Variants in CCDC178 observed in about 807,000 individuals in gnomAD.
CCDC178 encodes the protein coiled-coil domain-containing protein 178.
In CCDC178, 126 loss-of-function variants were observed where a neutral mutation model predicts 117.4. The ratio of observed to expected loss-of-function variants is 1.07; its 90% CI spans 0.93 to 1.24. The LOEUF is 1.24. Among genes scored for constraint, CCDC178 ranks in the 50% most tolerant of loss-of-function variants. The pLI, the probability that CCDC178 is intolerant of heterozygous loss-of-function variation, is 0.00. For missense variants in CCDC178, 1,030 were observed against 986.9 expected (o/e 1.04, Z -0.59); for synonymous variants, 283 against 313.4 (o/e 0.90, Z 1.02).
At chr18:33,223,921 T>C (rs1244965267) in intron 17 of CCDC178, among the ~76,000 whole-genome samples, 1 of 152,138 alleles carries the variant, frequency 6.6e-6, no homozygotes, top group Non-Finnish European at 1.5e-5. Context: ...GTTTCCATGC[T>C]TCATGACCTT....
chr18:33,387,945 T>A (rs1370464625), intron 5 of CCDC178, among the ~76,000 whole-genome samples: 2 of 151,624 alleles, frequency 1.3e-5, no homozygotes, highest in East Asian at 1.9e-4. Context: ...TGGGAGAAAA[T>A]TTTTGCAATG....
At chr18:33,131,594 A>G (rs2058069191) in intron 20 of CCDC178, among the ~76,000 whole-genome samples, 1 of 151,772 alleles carries the variant, frequency 6.6e-6, no homozygotes, top group South Asian at 2.1e-4. Flanking sequence ...TCTTTAATAT[A>G]CTTACCCACC....
intron 20 of CCDC178, among the ~76,000 whole-genome samples, chr18:33,199,919 G>A (rs573878985): frequency 4.6e-5 from 7 of 152,188 alleles, no homozygotes; most frequent in African/African-American, 1.7e-4. Flanking sequence ...TATAGTTTCT[G>A]GTTTTGGATA....
chr18:33,251,484 A>C (rs2059618029), intron 14 of CCDC178, among the ~76,000 whole-genome samples: 1 of 151,734 alleles, frequency 6.6e-6, no homozygotes. Flanking sequence ...CACAGAATTT[A>C]AGTTCTACTC....
At chr18:33,328,842 C>G (rs2062624743) in intron 10 of CCDC178, among the ~76,000 whole-genome samples, 1 of 152,088 alleles carries the variant, frequency 6.6e-6, no homozygotes, top group Non-Finnish European at 1.5e-5. Flanking sequence ...TGCAAAAGAT[C>G]ATTGAGCTTT....
In CCDC178 at chr18:32,970,387, T is replaced by C. The variant is rs114219212; in HGVS notation, c.2523+4160A>G. On this transcript the variant is annotated intron_variant, in intron 22 of 22. Transcript: ENST00000383096. Reference sequence around the variant, plus strand: ...AATATTGGTTATATACAATTTACTTTACAAAACCTTCATCAAATGATTTTT... The same window carrying C: ...AATATTGGTTATATACAATTTACTTCACAAAACCTTCATCAAATGATTTTT... Among the ~76,000 whole-genome samples the C allele has an allele frequency of 3.4e-3, 516 of 152,100 alleles. 3 individuals carry two copies. The highest frequency in any genetic ancestry group is 0.012 in the African/African-American group (489 of 41,520).
chr18:32,982,279 A>G (rs1019982654), intron 21 of CCDC178, among the ~76,000 whole-genome samples: 1 of 152,238 alleles, frequency 6.6e-6, no homozygotes, highest in African/African-American at 2.4e-5. Context: ...CTTATAATGA[A>G]TTTCTCCTTA....
chr18:33,333,358 T>A lies in CCDC178; in HGVS notation c.695A>T (p.Gln232Leu). 4 of 1,610,766 alleles carry A rather than the reference T, an allele frequency of 2.5e-6. No individual in the cohort carries two copies. Among genetic ancestry groups the A allele is most frequent in the Non-Finnish European group, 2.5e-6 (3 of 1,178,540 alleles). ...ATTAGCTTTATCTTCAAGATGCCAT[T>A]GTAATTCTATAACATCACTCAAATA... ...EAYLSDVIEL[Q>L]WHLEDKANQL... The change falls in exon 10 of 23, where the codon CAA becomes CTA. Residue 232 changes from glutamine to leucine, a missense_variant. Coordinates refer to ENST00000383096, the MANE Select transcript of CCDC178 (RefSeq NM_001105528.4).
At chr18:33,011,418 T>C (rs1568215967) in intron 21 of CCDC178, among the ~76,000 whole-genome samples, 1 of 152,094 alleles carries the variant, frequency 6.6e-6, no homozygotes, top group Non-Finnish European at 1.5e-5. Context: ...GTGATATAGT[T>C]AATGAGTCTA....
intron 21 of CCDC178, among the ~76,000 whole-genome samples, chr18:33,067,833 A>T (rs1027657469): frequency 2.6e-5 from 4 of 152,154 alleles, no homozygotes; most frequent in African/African-American, 9.7e-5. Context: ...ACTCTGTCTC[A>T]AAAATAAATA....
chr18:33,077,611 C>A (rs1297639386), intron 21 of CCDC178, among the ~76,000 whole-genome samples: 1 of 152,100 alleles, frequency 6.6e-6, no homozygotes, highest in African/African-American at 2.4e-5. Flanking sequence ...ACCACTAGCT[C>A]CACAGAAGTA....
intron 20 of CCDC178, among the ~76,000 whole-genome samples, chr18:33,136,563 A>T (rs186787759): frequency 2.6e-4 from 40 of 152,286 alleles, no homozygotes; most frequent in Middle Eastern, 3.4e-3. Flanking sequence ...CTAGGGACAG[A>T]AGAATAATAT....
intron 5 of CCDC178, among the ~76,000 whole-genome samples, chr18:33,383,678 A>C (rs1414131290): frequency 1.3e-5 from 2 of 152,056 alleles, no homozygotes; most frequent in Non-Finnish European, 2.9e-5. Flanking sequence ...AACATCAACA[A>C]AAAAGACCCC....
intron 20 of CCDC178, among the ~76,000 whole-genome samples, chr18:33,115,097 C>A (rs1288762057): frequency 6.6e-6 from 1 of 151,966 alleles, no homozygotes; most frequent in East Asian, 1.9e-4. Context: ...AACAGTTGTC[C>A]ATCCTGAGCT....
chr18:33,012,749 C>A (rs1392530719), intron 21 of CCDC178, among the ~76,000 whole-genome samples: 1 of 152,146 alleles, frequency 6.6e-6, no homozygotes, highest in Non-Finnish European at 1.5e-5. Context: ...TAATCTTCAA[C>A]CTTTTTTCGC....
chr18:33,273,089 GAAGA>G (rs139062619), intron 12 of CCDC178, among the ~76,000 whole-genome samples: 10,383 of 151,014 alleles, frequency 0.069, 548 homozygotes, highest in African/African-American at 0.14. Context: ...TCCAGATTGA[GAAGA>G]AAGAAGTAAA....
chr18:33,198,229 C>T (rs1057202494), intron 20 of CCDC178, among the ~76,000 whole-genome samples: 1 of 152,190 alleles, frequency 6.6e-6, no homozygotes, highest in Non-Finnish European at 1.5e-5. Context: ...CCACTGATAA[C>T]TCACTAAAGA....
At chr18:33,395,244 A>C (rs2063620061) in intron 4 of CCDC178, among the ~76,000 whole-genome samples, 1 of 151,728 alleles carries the variant, frequency 6.6e-6, no homozygotes, top group Non-Finnish European at 1.5e-5. Context: ...CTATTTTTAA[A>C]ATATTTCTGT....
chr18:33,184,286 G>A (rs191795782), intron 20 of CCDC178, among the ~76,000 whole-genome samples: 42 of 151,838 alleles, frequency 2.8e-4, no homozygotes, highest in African/African-American at 8.7e-4. Flanking sequence ...TATTTACTTC[G>A]GAATGCCATT....
Sources: gnomAD v4.1 joint callset for allele counts (sites outside exome capture counted in the v4.1 genomes callset) on GRCh38, gnomAD v4.1.1 for gene constraint, MANE v1.5 for transcripts, NCBI Gene and HGNC (gene_info 2026-07-23, HGNC 2026-07-21) for gene names.